Variants in TAF1B observed in about 807,000 individuals in gnomAD.
The protein encoded by TAF1B is TATA box-binding protein-associated factor RNA polymerase I subunit B.
A neutral mutation model predicts 83.9 loss-of-function variants in TAF1B; 61 were observed. The observed-to-expected ratio is 0.73, with a 90% CI of 0.59 to 0.90. The LOEUF (loss-of-function observed/expected upper bound fraction) is 0.90, where lower values mean the gene tolerates loss of function less well. TAF1B is among the 40% of genes least tolerant of loss of function. The pLI is 0.00. For missense variants in TAF1B, 625 were observed against 677.0 expected (o/e 0.92, Z 0.85); for synonymous variants, 221 against 224.6 (o/e 0.98, Z 0.14).
In TAF1B at chr2:9,923,778, C is replaced by T. The variant is rs184862666; in HGVS notation, c.1565+3958C>T. Among the ~76,000 whole-genome samples the T allele has an allele frequency of 1.0e-3, 158 of 152,254 alleles. 1 individual carries two copies. Among genetic ancestry groups the T allele is most frequent in the Middle Eastern group, 0.01 (3 of 294 alleles). ...GGGTCAGCGCCATGTCTGAGGTAAT[C>T]GATTCCTTTGCATTGGTCATGTCAA... is the stretch of plus-strand genomic sequence containing the variant. On this transcript the variant is annotated intron_variant, in intron 14 of 14. Coordinates refer to ENST00000263663, the MANE Select transcript of TAF1B (RefSeq NM_005680.3).
chr2:9,924,648 G>A (rs980372496), intron 14 of TAF1B, among the ~76,000 whole-genome samples: 3 of 152,174 alleles, frequency 2.0e-5, no homozygotes, highest in African/African-American at 7.2e-5. Context: ...TCATTGTAAA[G>A]GCTAAAATAT....
chr2:9,876,055 G>T (rs751427419), intron 7 of TAF1B, 37 bp downstream of exon 7: 1 of 1,558,138 alleles, frequency 6.4e-7, no homozygotes, highest in Admixed American at 1.7e-5. Context: ...ATTTTTGCTG[G>T]TTACTACATG....
In TAF1B at chr2:9,854,332, G is replaced by A; in HGVS notation, c.310G>A (p.Val104Ile). 6.2e-7 allele frequency: 1 copy of A among 1,613,732 alleles called. No individual in the cohort carries two copies. Among genetic ancestry groups the A allele is most frequent in the Non-Finnish European group, 8.5e-7 (1 of 1,179,694 alleles). The stretch of plus-strand genomic sequence containing the variant: ...CATTTCCCTTCCACCTTAGAACGAT[G>A]TTTTACATAATTTTTGGAAGCGCTA... ...LGVGPELKND[V>I]LHNFWKRYLQ... is the part of the protein sequence containing the mutation. Residue 104 changes from valine to isoleucine, a missense_variant, in exon 5 of 15, where the codon GTT becomes ATT. Val to Ile is a conservative substitution (Grantham distance 29, BLOSUM62 3). Coordinates refer to ENST00000263663, the MANE Select transcript of TAF1B (RefSeq NM_005680.3).
rs943703290 is a variant in TAF1B, at chr2:9,914,045, A to T, written c.1271+796A>T. On this transcript the variant is annotated intron_variant, in intron 12 of 14. Transcript: ENST00000263663. This position sits in a 1 kb window ranked among gnomAD's most constrained non-coding sequence, Gnocchi z 4.3. ...GAATTTGTTCAGCTCCTATTTCTTC[A>T]TCAGTAAAATAGACATAATAATGCC... 6.6e-6 allele frequency among the ~76,000 whole-genome samples: 1 copy of T among 152,230 alleles called. No individual in the cohort carries two copies. Among genetic ancestry groups the T allele is most frequent in the Non-Finnish European group, 1.5e-5 (1 of 68,036 alleles).
chr2:9,858,067 C>G (rs948862214), intron 5 of TAF1B, among the ~76,000 whole-genome samples: 6 of 152,126 alleles, frequency 3.9e-5, no homozygotes, highest in Non-Finnish European at 4.4e-5. Flanking sequence ...CTCAAAAGTC[C>G]AAGTCCAAAG....
intron 14 of TAF1B, among the ~76,000 whole-genome samples, chr2:9,920,264 C>T (rs1665830442): frequency 1.3e-5 from 2 of 152,270 alleles, no homozygotes; most frequent in East Asian, 1.9e-4. Flanking sequence ...CTTTATCTCA[C>T]CCACAGTCCA....
intron 5 of TAF1B, among the ~76,000 whole-genome samples, chr2:9,856,316 A>G (rs1370274894): frequency 6.6e-6 from 1 of 151,932 alleles, no homozygotes. Flanking sequence ...AAAAAAAAAA[A>G]GGCAGGGGAA....
chr2:9,849,750 T>G (rs1156698537), intron 3 of TAF1B, among the ~76,000 whole-genome samples: 1 of 152,208 alleles, frequency 6.6e-6, no homozygotes, highest in African/African-American at 2.4e-5. Context: ...TGTTGAATTT[T>G]GAACACACCT....
rs138059817 is a variant in TAF1B at position 9,886,970 on chromosome 2, C to T, written c.807+4165C>T. On this transcript the variant is annotated intron_variant, in intron 8 of 14. Transcript: ENST00000263663. Reference sequence around the variant, plus strand: ...GTCCCAGCTACTCGGGAGGCTGAGGCAGGAGAATCGCTTGAACCCAGGAAG... The same window carrying T: ...GTCCCAGCTACTCGGGAGGCTGAGGTAGGAGAATCGCTTGAACCCAGGAAG... Among the ~76,000 whole-genome samples the T allele has an allele frequency of 8.6e-3, 1,309 of 152,184 alleles. 9 individuals carry two copies. Among genetic ancestry groups the T allele is most frequent in the Middle Eastern group, 0.017 (5 of 294 alleles).
intron 6 of TAF1B, among the ~76,000 whole-genome samples, chr2:9,872,428 A>G (rs1177774283): frequency 6.6e-6 from 1 of 151,924 alleles, no homozygotes; most frequent in Non-Finnish European, 1.5e-5. Flanking sequence ...TTCTAGGGGT[A>G]TGAGTTTCTC....
intron 14 of TAF1B, among the ~76,000 whole-genome samples, chr2:9,926,321 T>C (rs917739595): frequency 6.6e-6 from 1 of 152,202 alleles, no homozygotes; most frequent in Admixed American, 6.5e-5. Flanking sequence ...CAGGCCCATA[T>C]ATTGCAAGTG....
chr2:9,858,151 A>G (rs1663625619), intron 5 of TAF1B, among the ~76,000 whole-genome samples: 1 of 152,244 alleles, frequency 6.6e-6, no homozygotes, highest in South Asian at 2.1e-4. Context: ...TACTTCCAAG[A>G]TGAAATGAGG....
rs1036767100 is a variant in TAF1B at position 9,886,305 on chromosome 2, T to C, written c.807+3500T>C. 3.3e-5 allele frequency among the ~76,000 whole-genome samples: 5 copies of C among 152,248 alleles called. No individual in the cohort carries two copies. The East Asian group carries it at 9.6e-4, about 29-fold the overall frequency. On this transcript the variant is annotated intron_variant, in intron 8 of 14. Coordinates refer to ENST00000263663, the MANE Select transcript of TAF1B (RefSeq NM_005680.3). Reference sequence around the variant, plus strand: ...TTCATTTCTAGATTTTCTCTTGATCTGCAGTCCAGTGCTCTACTTCTGAGC... The same window carrying C: ...TTCATTTCTAGATTTTCTCTTGATCCGCAGTCCAGTGCTCTACTTCTGAGC...
At position 9,919,669 on chromosome 2, in the gene TAF1B, C is replaced by G. The variant is rs1056395975; in HGVS notation, c.1414C>G (p.Pro472Ala). 4 of 1,613,972 alleles carry G rather than the reference C, an allele frequency of 2.5e-6. No homozygotes were observed. Among genetic ancestry groups the G allele is most frequent in the African/African-American group, 1.3e-5 (1 of 74,892 alleles). Residue 472 changes from proline (P) to alanine (A), a missense_variant, in exon 14 of 15, where the codon CCT (proline) becomes GCT (alanine). By Grantham distance (27) the Pro-to-Ala change is conservative (BLOSUM62 -1). Coordinates refer to ENST00000263663, the MANE Select transcript of TAF1B (RefSeq NM_005680.3). ...ESTATAGKKS[P>A]SSFQFNWTEE... is the part of the protein sequence containing the mutation. ...AACAGCAACTGCTGGAAAAAAAAGC[C>G]CTTCAAGTTTTCAGTTCAACTGGAC...
intron 5 of TAF1B, 48 bp downstream of exon 5, chr2:9,854,469 A>T (rs1336770570): frequency 7.1e-7 from 1 of 1,398,876 alleles, no homozygotes; most frequent in Non-Finnish European, 1.0e-6. Context: ...GTCTGTTGAG[A>T]TGTAGAGATG....
At chr2:9,891,425 T>A (rs1202161333) in intron 8 of TAF1B, among the ~76,000 whole-genome samples, 1 of 152,254 alleles carries the variant, frequency 6.6e-6, no homozygotes, top group Non-Finnish European at 1.5e-5. Flanking sequence ...TTTTAACTGA[T>A]GCCTGATACA....
chr2:9,892,812 G>A (rs907608645), intron 8 of TAF1B, among the ~76,000 whole-genome samples: 1 of 152,090 alleles, frequency 6.6e-6, no homozygotes, highest in Non-Finnish European at 1.5e-5. Flanking sequence ...TGGTAGTTCT[G>A]TTTTAAGTTT....
intron 2 of TAF1B, 45 bp downstream of exon 2, chr2:9,845,363 T>C (rs1382667877): frequency 2.6e-6 from 4 of 1,558,694 alleles, no homozygotes; most frequent in Admixed American, 1.7e-5. Flanking sequence ...GTTTTAAAAA[T>C]TGCCATTTCA....
chr2:9,901,834 A>C (rs1665186247), intron 8 of TAF1B, among the ~76,000 whole-genome samples: 1 of 152,188 alleles, frequency 6.6e-6, no homozygotes, highest in Admixed American at 6.5e-5. Flanking sequence ...AAATTCACAG[A>C]TTAAAATACA....
Sources: allele counts gnomAD v4.1 joint callset (sites outside exome capture counted in the v4.1 genomes callset), GRCh38; gene constraint gnomAD v4.1.1; non-coding constraint Gnocchi (gnomAD v3.1); transcripts MANE v1.5; gene names NCBI Gene and HGNC (gene_info 2026-07-23, HGNC 2026-07-21).